Variants in IMMP2L observed in about 807,000 individuals in gnomAD.
IMMP2L encodes the protein mitochondrial inner membrane protease subunit 2.
A neutral mutation model predicts 19.3 loss-of-function variants in IMMP2L; 18 were observed. The observed-to-expected ratio is 0.93, with a 90% CI of 0.64 to 1.38. The LOEUF (loss-of-function observed/expected upper bound fraction) is 1.38, where lower values mean the gene tolerates loss of function less well. IMMP2L is among the 40% of genes most tolerant of loss of function. IMMP2L has a pLI of 0.00. For missense variants in IMMP2L, 233 were observed against 218.2 expected (o/e 1.07, Z -0.43); for synonymous variants, 76 against 73.0 (o/e 1.04, Z -0.21).
At chr7:110,975,395 G>A (rs1386484764) in intron 3 of IMMP2L, among the ~76,000 whole-genome samples, 3 of 152,062 alleles carry the variant, frequency 2.0e-5, no homozygotes, top group Non-Finnish European at 4.4e-5. Flanking sequence ...TCATGGCTGT[G>A]GCTATGTGTA....
chr7:110,945,357 C>T (rs1340462791), intron 4 of IMMP2L, among the ~76,000 whole-genome samples: 2 of 151,978 alleles, frequency 1.3e-5, no homozygotes, highest in East Asian at 3.9e-4. Flanking sequence ...GATGCAGCCA[C>T]AGTAATCCGG....
At chr7:110,763,431 C>A (rs766757137) in intron 5 of IMMP2L, among the ~76,000 whole-genome samples, 1 of 152,008 alleles carries the variant, frequency 6.6e-6, no homozygotes, top group Non-Finnish European at 1.5e-5. Context: ...GGGCAGTGTA[C>A]TAGGGTCCAG....
At chr7:111,053,111 A>G (rs1325475850) in intron 3 of IMMP2L, among the ~76,000 whole-genome samples, 2 of 152,232 alleles carry the variant, frequency 1.3e-5, no homozygotes, top group Non-Finnish European at 2.9e-5. Context: ...AGTATGAATG[A>G]AAGTTTATTA....
intron 3 of IMMP2L, among the ~76,000 whole-genome samples, chr7:111,200,364 CTT>C (rs1179881853): frequency 6.6e-6 from 1 of 152,076 alleles, no homozygotes; most frequent in African/African-American, 2.4e-5. Context: ...TAATCAATCT[CTT>C]TATTACATCT....
At chr7:110,927,426 G>A (rs537826141) in intron 4 of IMMP2L, among the ~76,000 whole-genome samples, 12 of 152,098 alleles carry the variant, frequency 7.9e-5, no homozygotes, top group Admixed American at 3.9e-4. Flanking sequence ...GGTTGGAGAT[G>A]GAATTAAGTT....
intron 5 of IMMP2L, among the ~76,000 whole-genome samples, chr7:110,846,803 G>A (rs1441896477): frequency 1.3e-5 from 2 of 152,094 alleles, no homozygotes; most frequent in African/African-American, 4.8e-5. Flanking sequence ...AAATCCTTGT[G>A]TTTGGCATTA....
chr7:111,292,203 T>C (rs562568049), intron 3 of IMMP2L, among the ~76,000 whole-genome samples: 1 of 152,298 alleles, frequency 6.6e-6, no homozygotes, highest in East Asian at 1.9e-4. Context: ...CAGACTTCAC[T>C]TCTCTAGGCT....
chr7:110,684,179 A>C (rs542121135), intron 5 of IMMP2L, among the ~76,000 whole-genome samples: 1 of 152,272 alleles, frequency 6.6e-6, no homozygotes, highest in African/African-American at 2.4e-5. Context: ...ATAAACCAGA[A>C]GAAATTCCTC....
intron 3 of IMMP2L, among the ~76,000 whole-genome samples, chr7:111,127,155 C>T (rs1801395414): frequency 6.6e-6 from 1 of 152,184 alleles, no homozygotes; most frequent in Non-Finnish European, 1.5e-5. Flanking sequence ...GAATCACTAT[C>T]ACACAGAGGC....
chr7:111,173,692 A>C (rs1432825451), intron 3 of IMMP2L, among the ~76,000 whole-genome samples: 1 of 151,688 alleles, frequency 6.6e-6, no homozygotes, highest in East Asian at 1.9e-4. Flanking sequence ...CTAGTAAAAC[A>C]GCAGATATAA....
chr7:111,136,244 T>A (rs577968195), intron 3 of IMMP2L, among the ~76,000 whole-genome samples: 2 of 152,268 alleles, frequency 1.3e-5, no homozygotes, highest in African/African-American at 2.4e-5. Flanking sequence ...GCCAGGCTAG[T>A]CTTGAACTTC....
rs962293605 is a variant in IMMP2L at position 110,938,851 on chromosome 7, G to T, written c.305+24649C>A. Among the ~76,000 whole-genome samples, 4 of 152,048 alleles carry T rather than the reference G, an allele frequency of 2.6e-5. No individual in the cohort carries two copies. The East Asian group carries it at 7.7e-4, about 29-fold the overall frequency. Reference sequence around the variant, plus strand: ...ATAGCAGGGAGTGAGATAGAATGAAGATATTAATGTTGGATCCTTTTATAT... The same window carrying T: ...ATAGCAGGGAGTGAGATAGAATGAATATATTAATGTTGGATCCTTTTATAT... On this transcript the variant is annotated intron_variant, in intron 4 of 5. Coordinates refer to ENST00000405709, the MANE Select transcript of IMMP2L (RefSeq NM_032549.4).
intron 4 of IMMP2L, among the ~76,000 whole-genome samples, chr7:110,902,296 TAA>T (rs1811955165): frequency 6.6e-6 from 1 of 151,296 alleles, no homozygotes; most frequent in Non-Finnish European, 1.5e-5. Context: ...GAAAAAATAA[TAA>T]GTGACAGTAA....
intron 3 of IMMP2L, among the ~76,000 whole-genome samples, chr7:111,435,467 T>A (rs1450418136): frequency 6.6e-6 from 1 of 151,792 alleles, no homozygotes; most frequent in African/African-American, 2.4e-5. Flanking sequence ...AAATGGAGGC[T>A]AAACAATGAG....
At chr7:111,181,023 T>C (rs541075881) in intron 3 of IMMP2L, among the ~76,000 whole-genome samples, 1 of 152,146 alleles carries the variant, frequency 6.6e-6, no homozygotes, top group African/African-American at 2.4e-5. Flanking sequence ...ACTTTTACTA[T>C]ACCATTATTA....
chr7:111,411,542 T>C (rs1834431142), intron 3 of IMMP2L: 1 of 381,494 alleles, frequency 2.6e-6, no homozygotes, highest in Non-Finnish European at 5.3e-6. Context: ...CAGAGGTATC[T>C]ACAAGACCCC....
At chr7:111,318,321 A>G (rs977577632) in intron 3 of IMMP2L, among the ~76,000 whole-genome samples, 2 of 152,130 alleles carry the variant, frequency 1.3e-5, no homozygotes, top group African/African-American at 4.8e-5. Flanking sequence ...CAGGTTCCTT[A>G]CAAAGAACAG....
At chr7:110,717,667 G>C (rs1795313344) in intron 5 of IMMP2L, among the ~76,000 whole-genome samples, 1 of 152,206 alleles carries the variant, frequency 6.6e-6, no homozygotes, top group Non-Finnish European at 1.5e-5. Flanking sequence ...GGAGTTTCAA[G>C]AAGAAGGAAT....
intron 3 of IMMP2L, among the ~76,000 whole-genome samples, chr7:111,018,987 A>G (rs1039041602): frequency 6.6e-6 from 1 of 152,088 alleles, no homozygotes; most frequent in African/African-American, 2.4e-5. Context: ...GAACATATTC[A>G]AGCTAGCTAG....
Sources: gnomAD v4.1 joint callset for allele counts (sites outside exome capture counted in the v4.1 genomes callset) on GRCh38, gnomAD v4.1.1 for gene constraint, MANE v1.5 for transcripts, NCBI Gene and HGNC (gene_info 2026-07-23, HGNC 2026-07-21) for gene names.